The following SALL1 variants were observed in gnomAD, a reference collection of about 807,000 sequenced individuals.
The protein encoded by SALL1 is sal-like protein 1.
Under a neutral mutation model 73.1 loss-of-function variants are expected in SALL1, and 10 were observed. The ratio of observed to expected loss-of-function variants is 0.14; its 90% confidence interval spans 0.08 to 0.23. The LOEUF (loss-of-function observed/expected upper bound fraction) is 0.23. Among genes scored for constraint, SALL1 ranks in the 10% least tolerant of loss-of-function variants. SALL1 has a pLI of 1.00. For synonymous variants in SALL1, 688 were observed against 689.8 expected, an observed-to-expected ratio of 1.00 and a Z score of 0.04; for missense variants, 1,520 against 1,697.3, an observed-to-expected ratio of 0.90 and a Z score of 1.84.
chr16:51,151,959 G>C (rs938350224), upstream of SALL1, among the ~76,000 whole-genome samples: 3 of 151,214 alleles, frequency 2.0e-5, no homozygotes, highest in African/African-American at 4.9e-5. Context: ...CGTTTCGTGA[G>C]TGTTTCTTCG....
chr16:51,138,583 T>C (rs1962352510), intron 2 of SALL1, 105 bp downstream of exon 2: 1 of 1,413,666 alleles, frequency 7.1e-7, no homozygotes. Flanking sequence ...AAGAGCTCTC[T>C]CCCTGAATAT....
In SALL1 at chr16:51,138,853, G is replaced by C; in HGVS notation, c.3369C>G (p.Leu1123=). The change falls in exon 2 of 3, where the codon CTC becomes CTG. Residue 1123 remains leucine (L), a synonymous_variant. Transcript: ENST00000251020. ...LSSSATSPVL[L]PALPRRTPKQ... is the part of the protein sequence containing the mutation. ...TGGGAGTTCTCCTGGGCAGAGCAGG[G>C]AGCAGAACTGGGGATGTGGCAGAGG... The C allele has an allele frequency of 6.2e-7, 1 of 1,614,226 alleles. No individual in the cohort carries two copies.
In SALL1 at chr16:51,140,411, T is replaced by C. The variant is rs1962401773; in HGVS notation, c.1811A>G (p.Asn604Ser). 1.9e-6 allele frequency: 3 copies of C among 1,613,710 alleles called. No individual in the cohort carries two copies. Among genetic ancestry groups the C allele is most frequent in the Non-Finnish European group, 2.5e-6 (3 of 1,179,934 alleles). ...DSGGPESATR[N>S]LGGLPEEAEG... ...GGCTTCCTCTGGGAGCCCACCTAGG[T>C]TTCTTGTGGCTGACTCAGGGCCCCC... Residue 604 changes from asparagine to serine, a missense_variant, in exon 2 of 3, where the codon AAC becomes AGC. This residue lies in a region of SALL1 where 276 missense variants were observed against 259.1 expected (regional missense o/e 1.07). Coordinates refer to ENST00000251020, the MANE Select transcript of SALL1 (RefSeq NM_002968.3). The surrounding 1 kb of genome is among the most constrained non-coding windows in gnomAD (Gnocchi z 5.7).
chr16:51,146,252 A>G (rs1275033875), intron 1 of SALL1, among the ~76,000 whole-genome samples: 1 of 152,162 alleles, frequency 6.6e-6, no homozygotes, highest in African/African-American at 2.4e-5. Flanking sequence ...TCTCTGAAAA[A>G]ATAACAACAT....
Position 51,142,030 on chromosome 16 carries a change from GTTC to G in SALL1, c.189_191del (p.Lys63del), listed in dbSNP as rs763269585. On this transcript the variant is annotated inframe_deletion, in exon 2 of 3. Transcript: ENST00000251020. ...TTAAAACTAATTGATTTTTAGTACA[GTTC>G]TTCTTGTGGAGCAGAAGATCTGATA... The G allele has an allele frequency of 1.2e-6, 2 of 1,614,066 alleles. No homozygotes were observed. Among genetic ancestry groups the G allele is most frequent in the South Asian group, 1.1e-5 (1 of 91,074 alleles).
intron 1 of SALL1, chr16:51,150,271 G>A (rs1962577247): frequency 2.9e-6 from 1 of 347,838 alleles, no homozygotes; most frequent in Non-Finnish European, 4.1e-6. Context: ...GTTTCAGGGG[G>A]GATTCCACTC....
chr16:51,149,810 CG>C (rs1567318979), intron 1 of SALL1: 1 of 151,998 alleles, frequency 6.6e-6, no homozygotes, highest in African/African-American at 2.4e-5. Context: ...CCTGGGGGCC[CG>C]GGCGGCCGCA....
intron 1 of SALL1, chr16:51,150,668 C>T: frequency 2.7e-6 from 2 of 739,886 alleles, no homozygotes; most frequent in Non-Finnish European, 3.3e-6. Flanking sequence ...AACTCCCCCA[C>T]GCTCGGAGTT....
At chr16:51,150,318 G>C (rs1400673132) in intron 1 of SALL1, 1 of 828,352 alleles carries the variant, frequency 1.2e-6, no homozygotes, top group African/African-American at 1.8e-5. Context: ...ACTATTCTAT[G>C]ACTTCTTCCC....
chr16:51,136,016 A>T lies in SALL1; in HGVS notation c.*1096T>A, dbSNP rs1017455424. ...ATCTGTTGCAAAAAAAATGTATTTG[A>T]TTACTTGAGTAAAATTACAGTATCT... On this transcript the variant is annotated 3_prime_UTR_variant, in exon 3 of 3. Transcript: ENST00000251020. 7.9e-5 allele frequency: 12 copies of T among 152,608 alleles called. No homozygotes were observed. The highest frequency in any genetic ancestry group is 1.3e-4 in the Non-Finnish European group (9 of 68,028). The allele number at this position is 152,608 out of a possible 1,614,324, so 9.5% of individuals were successfully genotyped here.
In SALL1 at chr16:51,139,391, A is replaced by G. The variant is rs777217870; in HGVS notation, c.2831T>C (p.Ile944Thr). 3.7e-6 allele frequency: 6 copies of G among 1,614,028 alleles called. No individual in the cohort carries two copies. In the African/African-American group the frequency reaches 5.3e-5, roughly 14 times the overall value. ...GACCGCTCTCTGTGGTTTCTCCTCA[A>G]TGCTGGGTGACTTGTGGAACTCCTG... Reference protein sequence around the residue: ...STQEFHKSPSIEEKPQRAVPS... With the variant: ...STQEFHKSPSTEEKPQRAVPS... The change falls in exon 2 of 3, where the codon ATT becomes ACT. Residue 944 changes from isoleucine to threonine, a missense_variant. Ile to Thr is a moderately conservative substitution (Grantham distance 89, BLOSUM62 -1). This residue lies in a region of SALL1 where 266 missense variants were observed against 275.1 expected (regional missense o/e 0.97). Coordinates refer to ENST00000251020, the MANE Select transcript of SALL1 (RefSeq NM_002968.3).
chr16:51,151,226 G>C lies in SALL1; in HGVS notation c.16C>G (p.Gln6Glu). 6.2e-7 allele frequency: 1 copy of C among 1,600,220 alleles called. No individual in the cohort carries two copies. Among genetic ancestry groups the C allele is most frequent in the Non-Finnish European group, 8.5e-7 (1 of 1,174,672 alleles). ...GATTGGAAATGTTGAGGCTTCGCTT[G>C]CTTCCTCCGCGACATGCTGGCTCAA... is the stretch of plus-strand genomic sequence containing the variant. MSRRK[Q>E]AKPQHFQSDP... Residue 6 changes from glutamine (Q) to glutamate (E), a missense_variant, in exon 1 of 3, where the codon CAA becomes GAA. Physicochemically the swap from Gln to Glu is conservative, Grantham distance 29 (BLOSUM62 2). This residue lies in a region of SALL1 where 540 missense variants were observed against 567.5 expected (regional missense o/e 0.95). Transcript: ENST00000251020.
Position 51,142,082 on chromosome 16 carries a change from C to T in SALL1, c.140G>A (p.Arg47Gln). The part of the protein sequence containing the change: ...TKSKDAHVCG[R>Q]CCAEFFELSD... ...TAATTCAAAGAACTCGGCACAGCAC[C>T]GGCCACAGACGTGGGCATCCTTGCT... The change falls in exon 2 of 3, where the codon CGG (arginine) becomes CAG (glutamine). Residue 47 changes from arginine (R) to glutamine (Q), a missense_variant. Arg to Gln is a conservative substitution (Grantham distance 43, BLOSUM62 1). This residue lies in a region of SALL1 where 540 missense variants were observed against 567.5 expected (regional missense o/e 0.95). Coordinates refer to ENST00000251020, the MANE Select transcript of SALL1 (RefSeq NM_002968.3). 2.5e-6 allele frequency: 4 copies of T among 1,613,852 alleles called. No individual in the cohort carries two copies. The highest frequency in any genetic ancestry group is 1.7e-5 in the Admixed American group (1 of 60,014).
chr16:51,137,418 T>G lies in SALL1; in HGVS notation c.3669A>C (p.Ala1223=). ...TGGAAGGATCCCCACTTCCTGATCT[T>G]GCCGCCAAATCCTTCTGGAACATTT... ...FPEMFQKDLA[A]RSGSGDPSSF... is the part of the protein sequence containing the mutation. The change falls in exon 3 of 3, where the codon GCA becomes GCC. Residue 1223 remains alanine (A), a synonymous_variant. Coordinates refer to ENST00000251020, the MANE Select transcript of SALL1 (RefSeq NM_002968.3). 1 of 1,614,146 alleles carries G rather than the reference T, an allele frequency of 6.2e-7. No homozygotes were observed. Among genetic ancestry groups the G allele is most frequent in the South Asian group, 1.1e-5 (1 of 91,072 alleles).
chr16:51,140,564 G>A lies in SALL1; in HGVS notation c.1658C>T (p.Thr553Ile), dbSNP rs774006751. The A allele has an allele frequency of 2.5e-6, 4 of 1,614,034 alleles. No homozygotes were observed. The South Asian group carries it at 4.4e-5, about 18-fold the overall frequency. The change falls in exon 2 of 3, where the codon ACT (threonine) becomes ATT (isoleucine). Residue 553 changes from threonine to isoleucine, a missense_variant. Thr to Ile is a moderately conservative substitution (Grantham distance 89). Transcript: ENST00000251020. This position sits in a 1 kb window ranked among gnomAD's most constrained non-coding sequence, Gnocchi z 5.7. ...DTKPVLPTLT[T>I]SVGLPLPPTL... ...TGGGGGCAACGGCAGGCCGACTGAA[G>A]TGGTCAGAGTAGGCAGGACTGGTTT...
rs534104645 is a variant in SALL1, at chr16:51,141,673, T to C, written c.549A>G (p.Thr183=). 1.6e-4 allele frequency: 262 copies of C among 1,613,488 alleles called. No individual in the cohort carries two copies. The highest frequency in any genetic ancestry group is 2.1e-4 in the Non-Finnish European group (253 of 1,180,010). ...TTSLPQLGDL[T]TLGNFSVINS... ...TGATTACGGAGAAGTTGCCCAGTGT[T>C]GTCAGGTCCCCGAGTTGAGGTAGAG... The change falls in exon 2 of 3, where the codon ACA becomes ACG. Residue 183 remains threonine (T), a synonymous_variant. Transcript: ENST00000251020. The surrounding 1 kb of genome is among the most constrained non-coding windows in gnomAD (Gnocchi z 5.4).
chr16:51,141,612 T>C lies in SALL1; in HGVS notation c.610A>G (p.Lys204Glu), dbSNP rs201981391. 1.9e-6 allele frequency: 3 copies of C among 1,614,070 alleles called. No individual in the cohort carries two copies. The highest frequency in any genetic ancestry group is 2.5e-6 in the Non-Finnish European group (3 of 1,180,024). Residue 204 changes from lysine to glutamate, a missense_variant, in exon 2 of 3, where the codon AAG becomes GAG. Physicochemically the swap from Lys to Glu is moderately conservative, Grantham distance 56 (BLOSUM62 1). This residue lies in a region of SALL1 where 540 missense variants were observed against 567.5 expected (regional missense o/e 0.95). Coordinates refer to ENST00000251020, the MANE Select transcript of SALL1 (RefSeq NM_002968.3). The surrounding 1 kb of genome is among the most constrained non-coding windows in gnomAD (Gnocchi z 5.4). ...NVIIENLQST[K>E]VAVAQFSQEA... is the part of the protein sequence containing the mutation. ...TGGGAGAACTGGGCCACCGCCACCT[T>C]GGTGCTCTGGAGGTTCTCGATGATG...
chr16:51,148,480 G>A (rs1962549459), intron 1 of SALL1, among the ~76,000 whole-genome samples: 1 of 152,208 alleles, frequency 6.6e-6, no homozygotes, highest in Non-Finnish European at 1.5e-5. Context: ...TAATCAGAAT[G>A]TTTGAAAAGG....
Position 51,137,338 on chromosome 16 carries a change from T to C in SALL1, c.3749A>G (p.Asn1250Ser), listed in dbSNP as rs1962325288. 3.1e-6 allele frequency: 5 copies of C among 1,613,962 alleles called. No individual in the cohort carries two copies. The highest frequency in any genetic ancestry group is 4.2e-6 in the Non-Finnish European group (5 of 1,180,028). ...ALSNGLAMKANEISVIQNGGI... is the reference protein window; with the variant it reads ...ALSNGLAMKASEISVIQNGGI... ...ACCGTTCTGAATGACGGAGATCTCG[T>C]TGGCCTTCATCGCCAGCCCGTTGGA... Residue 1250 changes from asparagine to serine, a missense_variant, in exon 3 of 3, where the codon AAC becomes AGC. Transcript: ENST00000251020.
Sources: gnomAD v4.1 joint callset for allele counts (sites outside exome capture counted in the v4.1 genomes callset) on GRCh38, gnomAD v4.1.1 for gene constraint, gnomAD v4.1.1 regional missense constraint, Gnocchi (gnomAD v3.1) non-coding constraint, MANE v1.5 for transcripts, NCBI Gene and HGNC (gene_info 2026-07-23, HGNC 2026-07-21) for gene names.